The following OR8B2 variants were observed in gnomAD, a reference collection of about 807,000 sequenced individuals.
OR8B2 encodes the protein olfactory receptor family 8 subfamily B member 2, also known as olfactory receptor 8B2.
For synonymous variants in OR8B2, 98 were observed against 138.2 expected, an observed-to-expected ratio of 0.71 and a Z score of 2.04; for missense variants, 304 against 379.6, an observed-to-expected ratio of 0.80 and a Z score of 1.65.
At chr11:124,396,722 G>C in the OR8B2 span, 2 of 1,613,890 alleles carry the variant, frequency 1.2e-6, no homozygotes, top group South Asian at 2.2e-5. Context: ...TGGTACAACT[G>C]GGTACCATGA....
chr11:124,388,811 A>G (rs1477844148), upstream of OR8B2, among the ~76,000 whole-genome samples: 2 of 151,638 alleles, frequency 1.3e-5, no homozygotes, highest in East Asian at 1.9e-4. Context: ...TTGTTTGCCA[A>G]TCAGAGTGTG....
chr11:124,386,527 G>A (rs935404140), upstream of OR8B2, among the ~76,000 whole-genome samples: 19 of 148,916 alleles, frequency 1.3e-4, no homozygotes, highest in East Asian at 2.0e-4. Context: ...TTGTTCTTGC[G>A]ATAGTTTACT....
the OR8B2 span, chr11:124,397,031 A>C: frequency 6.2e-7 from 1 of 1,612,544 alleles, no homozygotes. Context: ...CAGAGATGAC[A>C]AAAAAGAGAA....
the OR8B2 span, among the ~76,000 whole-genome samples, chr11:124,391,052 G>A: frequency 6.6e-6 from 1 of 152,142 alleles, no homozygotes; most frequent in African/African-American, 2.4e-5. Flanking sequence ...CCGCGTGAGT[G>A]AGGCTCTGTT....
At chr11:124,384,593 G>C (rs1398915829), upstream of OR8B2, 1 of 138,816 alleles carries the variant, frequency 7.2e-6, no homozygotes, top group Non-Finnish European at 1.6e-5. Flanking sequence ...AATTTGCCAA[G>C]AGGGTTTGTT....
upstream of OR8B2, among the ~76,000 whole-genome samples, chr11:124,388,977 C>T (rs11219624): frequency 0.028 from 4,181 of 152,002 alleles, 137 homozygotes; most frequent in African/African-American, 0.072. Flanking sequence ...AGGTGCGTGC[C>T]GCCACGCCTG....
At position 124,383,092 on chromosome 11, in the gene OR8B2, G is replaced by A. The variant is rs757643074; in HGVS notation, c.252C>T (p.Asn84=). The change falls in exon 2 of 2, where the codon AAC becomes AAT. Residue 84 remains asparagine, a synonymous_variant. Coordinates refer to ENST00000641451, the MANE Select transcript of OR8B2 (RefSeq NM_001005468.2). ...AGATAATATTCTTTTTTGACACAAA[G>A]TTCATTAGCATTTTGGGAGTGAAAA... The part of the protein sequence containing the change: ...SSVFTPKMLM[N]FVSKKNIISN... The A allele has an allele frequency of 5.6e-5, 91 of 1,613,770 alleles. No homozygotes were observed. The Admixed American group carries it at 1.5e-3, about 27-fold the overall frequency.
chr11:124,389,026 G>A (rs523335), upstream of OR8B2, among the ~76,000 whole-genome samples: 49,708 of 151,602 alleles, frequency 0.33, 8,212 homozygotes, highest in African/African-American at 0.4. Flanking sequence ...GGGTTTCACC[G>A]TGTTGGACAG....
chr11:124,387,049 A>G (rs1259115992), upstream of OR8B2, among the ~76,000 whole-genome samples: 1 of 152,234 alleles, frequency 6.6e-6, no homozygotes, highest in Non-Finnish European at 1.5e-5. Context: ...GGCTGCATAA[A>G]TGTCTTCTTT....
upstream of OR8B2, among the ~76,000 whole-genome samples, chr11:124,386,094 T>C (rs1241604834): frequency 3.3e-5 from 5 of 152,114 alleles, no homozygotes; most frequent in Non-Finnish European, 7.4e-5. Flanking sequence ...GGGTCAGATG[T>C]TGTAAGAATG....
upstream of OR8B2, among the ~76,000 whole-genome samples, chr11:124,386,172 C>CTT (rs55659023): frequency 1.2e-3 from 171 of 146,610 alleles, no homozygotes; most frequent in Non-Finnish European, 2.0e-3. Context: ...CTAATTCTAC[C>CTT]TTTTTTTTTT....
the OR8B2 span, chr11:124,396,867 C>A: frequency 2.3e-5 from 37 of 1,608,448 alleles, no homozygotes; most frequent in Non-Finnish European, 3.1e-5. Flanking sequence ...TCTAAGCATG[C>A]ACCCGGTGTG....
chr11:124,391,803 CA>C, the OR8B2 span, among the ~76,000 whole-genome samples: 3 of 151,708 alleles, frequency 2.0e-5, no homozygotes, highest in Admixed American at 2.0e-4. Context: ...GGCAGAGACA[CA>C]ACCAAAAAAG....
chr11:124,392,878 A>G, the OR8B2 span, among the ~76,000 whole-genome samples: 3 of 150,488 alleles, frequency 2.0e-5, no homozygotes, highest in Non-Finnish European at 2.9e-5. Context: ...ACAAGGCTAC[A>G]GTCACCAAAA....
upstream of OR8B2, among the ~76,000 whole-genome samples, chr11:124,387,753 G>C (rs1200398326): frequency 1.3e-4 from 19 of 145,416 alleles, no homozygotes; most frequent in Admixed American, 2.8e-4. Flanking sequence ...CTCTTTTTTG[G>C]TTCCATGTGA....
upstream of OR8B2, among the ~76,000 whole-genome samples, chr11:124,389,283 G>A (rs1328280951): frequency 6.6e-6 from 1 of 151,990 alleles, no homozygotes; most frequent in East Asian, 1.9e-4. Context: ...TGGTATCTAT[G>A]AATGGAAAAT....
upstream of OR8B2, among the ~76,000 whole-genome samples, chr11:124,387,857 C>T (rs1472252651): frequency 1.3e-5 from 2 of 151,164 alleles, no homozygotes; most frequent in African/African-American, 2.4e-5. Flanking sequence ...GGCAGTATGG[C>T]CATTTTCACG....
upstream of OR8B2, among the ~76,000 whole-genome samples, chr11:124,386,655 C>T (rs1860705800): frequency 6.6e-6 from 1 of 151,704 alleles, no homozygotes; most frequent in Non-Finnish European, 1.5e-5. Flanking sequence ...TCCAGTCTAT[C>T]ATTGTTGGAC....
upstream of OR8B2, among the ~76,000 whole-genome samples, chr11:124,385,339 G>C (rs1316340002): frequency 2.6e-5 from 4 of 152,064 alleles, no homozygotes; most frequent in African/African-American, 9.7e-5. Context: ...ACAAGAAGTG[G>C]CAAAAGTATA....
Sources: gnomAD v4.1 joint callset for allele counts (sites outside exome capture counted in the v4.1 genomes callset) on GRCh38, gnomAD v4.1.1 for gene constraint, MANE v1.5 for transcripts, NCBI Gene and HGNC (gene_info 2026-07-23, HGNC 2026-07-21) for gene names.